The following DIAPH2 variants were observed in gnomAD, a reference collection of about 807,000 sequenced individuals.
DIAPH2 encodes protein diaphanous homolog 2.
Under a neutral mutation model 92.7 loss-of-function variants are expected in DIAPH2, and 35 were observed. That is an observed-to-expected ratio of 0.38 (90% CI 0.29 to 0.50). The LOEUF is 0.50. DIAPH2 is among the 20% of genes least tolerant of loss of function. DIAPH2 has a pLI of 0.94. For synonymous variants in DIAPH2, 301 were observed against 280.4 expected (o/e 1.07, Z -0.73); for missense variants, 701 against 819.5 (o/e 0.86, Z 1.77).
intron 4 of DIAPH2, among the ~76,000 whole-genome samples, chrX:96,845,137 A>T (rs2064962857): frequency 9.0e-6 from 1 of 111,427 alleles, no homozygotes; most frequent in African/African-American, 3.3e-5. Context: ...TTCTTCCTGG[A>T]TTTTTAAGCT....
intron 25 of DIAPH2, among the ~76,000 whole-genome samples, chrX:97,395,304 T>G (rs1193239233): frequency 1.8e-5 from 2 of 111,245 alleles, no homozygotes; most frequent in African/African-American, 6.5e-5. Context: ...TTTGTACAAC[T>G]CTCCTCGCAC....
chrX:97,074,986 C>A (rs1224684740), intron 18 of DIAPH2, among the ~76,000 whole-genome samples, 181 bp from the exon 19 acceptor site: 9 of 111,430 alleles, frequency 8.1e-5, no homozygotes, highest in Non-Finnish European at 1.5e-4. Context: ...GAAAATATGC[C>A]ATTTTGTCTA....
At chrX:97,038,762 A>G (rs2066428986) in intron 17 of DIAPH2, among the ~76,000 whole-genome samples, 1 of 110,884 alleles carries the variant, frequency 9.0e-6, no homozygotes, top group South Asian at 3.8e-4. Context: ...TCTTATTTTA[A>G]AAAATGCCTG....
At chrX:97,257,689 A>G (rs1031533937) in intron 23 of DIAPH2, among the ~76,000 whole-genome samples, 8 of 111,605 alleles carry the variant, frequency 7.2e-5, no homozygotes, top group Non-Finnish European at 1.5e-4. Flanking sequence ...CTGGGTATCC[A>G]TTGAGTTAAG....
chrX:97,063,956 A>G (rs946878765), intron 17 of DIAPH2, among the ~76,000 whole-genome samples: 1 of 112,159 alleles, frequency 8.9e-6, no homozygotes, highest in African/African-American at 3.2e-5. Context: ...TCACAATACA[A>G]TAGCAGAGTT....
At chrX:96,931,470 A>G (rs1471693031) in intron 10 of DIAPH2, among the ~76,000 whole-genome samples, 1 of 111,633 alleles carries the variant, frequency 9.0e-6, no homozygotes, top group Non-Finnish European at 1.9e-5. Context: ...TATTAAGTAT[A>G]TTAACTGAAG....
chrX:96,741,773 C>A (rs780332580), intron 3 of DIAPH2, among the ~76,000 whole-genome samples: 2 of 111,752 alleles, frequency 1.8e-5, no homozygotes, highest in African/African-American at 3.3e-5. Flanking sequence ...CATGAGCCAC[C>A]ATGCCCAGTC....
intron 23 of DIAPH2, among the ~76,000 whole-genome samples, chrX:97,336,484 C>T (rs921053113): frequency 7.3e-5 from 8 of 109,306 alleles, no homozygotes; most frequent in African/African-American, 2.7e-4. Context: ...CTCCTGATCT[C>T]GTGATCCGCC....
At chrX:96,749,518 T>G (rs1293167036) in intron 3 of DIAPH2, among the ~76,000 whole-genome samples, 2 of 111,158 alleles carry the variant, frequency 1.8e-5, no homozygotes, top group African/African-American at 6.5e-5. Flanking sequence ...ATCGAACAAA[T>G]GCACCATTAG....
intron 23 of DIAPH2, among the ~76,000 whole-genome samples, chrX:97,277,352 TTAAAAA>T (rs1416316499): frequency 2.8e-5 from 3 of 108,820 alleles, no homozygotes; most frequent in Admixed American, 9.8e-5. Flanking sequence ...AAAGAAAAAA[TTAAAAA>T]TAAAAAAAAA....
intron 26 of DIAPH2, among the ~76,000 whole-genome samples, chrX:97,488,588 G>A (rs2070704561): frequency 9.0e-6 from 1 of 111,487 alleles, no homozygotes; most frequent in African/African-American, 3.3e-5. Flanking sequence ...TAGGTCTTAC[G>A]TTTAAATCTT....
rs898993032 is a variant in DIAPH2, at chrX:96,885,793, C to A, written c.587+4075C>A. ...ATGATGTGGTATTTGGATGAAATTACAATTTATTGTAGTTGTATGGTAAAT... is the reference window on the plus strand; with the variant it reads ...ATGATGTGGTATTTGGATGAAATTAAAATTTATTGTAGTTGTATGGTAAAT... On this transcript the variant is annotated intron_variant, in intron 5 of 26. Transcript: ENST00000324765. 3.6e-5 allele frequency among the ~76,000 whole-genome samples: 4 copies of A among 111,486 alleles called. No homozygotes were observed. In the Admixed American group the frequency reaches 3.8e-4, roughly 11 times the overall value.
At chrX:96,830,428 G>A (rs1302623704) in intron 4 of DIAPH2, among the ~76,000 whole-genome samples, 3 of 108,203 alleles carry the variant, frequency 2.8e-5, no homozygotes, top group Non-Finnish European at 5.7e-5. Context: ...AAAATTAGCC[G>A]GGCATGGTGG....
At chrX:97,015,477 A>G (rs1319159729) in intron 17 of DIAPH2, among the ~76,000 whole-genome samples, 1 of 111,463 alleles carries the variant, frequency 9.0e-6, no homozygotes, top group Non-Finnish European at 1.9e-5. Flanking sequence ...TCTTTAAGTG[A>G]CCTGCCTTCT....
chrX:96,687,718 T>G (rs1419132872), intron 1 of DIAPH2, among the ~76,000 whole-genome samples: 3 of 111,853 alleles, frequency 2.7e-5, no homozygotes, highest in African/African-American at 6.5e-5. Flanking sequence ...TAATGAGTAT[T>G]AGTGAGAAAT....
At chrX:96,998,056 G>A (rs184193907) in intron 17 of DIAPH2, among the ~76,000 whole-genome samples, 210 of 111,787 alleles carry the variant, frequency 1.9e-3, no homozygotes, top group Non-Finnish European at 1.5e-3. Flanking sequence ...GGCTATATTC[G>A]TAGTTAATTG....
At chrX:96,778,877 C>T (rs1378963003) in intron 4 of DIAPH2, among the ~76,000 whole-genome samples, 1 of 111,642 alleles carries the variant, frequency 9.0e-6, no homozygotes, top group Non-Finnish European at 1.9e-5. Flanking sequence ...CAGTACATCA[C>T]ATCAGGAGGC....
intron 4 of DIAPH2, among the ~76,000 whole-genome samples, chrX:96,861,304 C>T (rs192938896): frequency 1.9e-3 from 209 of 111,746 alleles, no homozygotes; most frequent in Non-Finnish European, 3.3e-3. Flanking sequence ...CAGCAACATA[C>T]GTGTCCCTTT....
chrX:97,282,030 A>T (rs1394139434), intron 23 of DIAPH2, among the ~76,000 whole-genome samples: 1 of 111,031 alleles, frequency 9.0e-6, no homozygotes, highest in Non-Finnish European at 1.9e-5. Context: ...TTTCAAGAAA[A>T]AAAGAAAAAA....
Sources: allele counts gnomAD v4.1 joint callset (sites outside exome capture counted in the v4.1 genomes callset), GRCh38; gene constraint gnomAD v4.1.1; transcripts MANE v1.5; gene names NCBI Gene and HGNC (gene_info 2026-07-23, HGNC 2026-07-21).